Variants in ADIPOR2 observed in about 807,000 individuals in gnomAD.
ADIPOR2 encodes the protein adiponectin receptor protein 2.
Under a neutral mutation model 40.9 loss-of-function variants are expected in ADIPOR2, and 18 were observed. The observed-to-expected ratio is 0.44, with a 90% CI of 0.30 to 0.65. The LOEUF (loss-of-function observed/expected upper bound fraction) is 0.65, where lower values mean the gene tolerates loss of function less well. ADIPOR2 is among the 30% of genes least tolerant of loss of function. ADIPOR2 has a pLI of 0.09. For missense variants in ADIPOR2, 283 were observed against 479.2 expected, an observed-to-expected ratio of 0.59 and a Z score of 3.82; for synonymous variants, 165 against 166.4, an observed-to-expected ratio of 0.99 and a Z score of 0.06.
rs1863095295 is a variant in ADIPOR2 at position 1,730,197 on chromosome 12, T to C, written c.-86-24061T>C. On this transcript the variant is annotated intron_variant, in intron 1 of 7. Coordinates refer to ENST00000357103, the MANE Select transcript of ADIPOR2 (RefSeq NM_024551.3). ...TATACCCCTTAGGACCTCACATAAT[T>C]ATAATCACTATTAGGGGTATTAAAG... Among the ~76,000 whole-genome samples, 4 of 152,022 alleles carry C rather than the reference T, an allele frequency of 2.6e-5. No homozygotes were observed. The South Asian group carries it at 8.3e-4, about 32-fold the overall frequency.
intron 2 of ADIPOR2, among the ~76,000 whole-genome samples, chr12:1,756,765 G>A (rs1053978294): frequency 6.6e-6 from 1 of 152,088 alleles, no homozygotes; most frequent in Non-Finnish European, 1.5e-5. Context: ...ACTTGAAACA[G>A]CATGGTGGGA....
chr12:1,785,804 C>A, intron 7 of ADIPOR2, 140 bp from the exon 8 acceptor site: 1 of 1,129,522 alleles, frequency 8.9e-7, no homozygotes, highest in Non-Finnish European at 1.3e-6. Flanking sequence ...GATCTGTGGA[C>A]GCCTTGAATT....
At chr12:1,770,518 G>A (rs528980085) in intron 2 of ADIPOR2, among the ~76,000 whole-genome samples, 1 of 152,092 alleles carries the variant, frequency 6.6e-6, no homozygotes, top group African/African-American at 2.4e-5. Flanking sequence ...GCTATTGCCC[G>A]TTTTCAGGTT....
chr12:1,736,600 GTC>G (rs1426644769), intron 1 of ADIPOR2, among the ~76,000 whole-genome samples: 2 of 152,058 alleles, frequency 1.3e-5, no homozygotes, highest in African/African-American at 2.4e-5. Context: ...GTTTTTTTGT[GTC>G]TCTATCCCCT....
At chr12:1,717,711 A>G (rs993604115) in intron 1 of ADIPOR2, among the ~76,000 whole-genome samples, 2 of 150,512 alleles carry the variant, frequency 1.3e-5, no homozygotes, top group African/African-American at 4.9e-5. Flanking sequence ...ATCTTAAGGA[A>G]AAAAAAAAAA....
chr12:1,788,470 C>CA lies in ADIPOR2; in HGVS notation c.*2399dup, dbSNP rs1862885318. The CA allele has an allele frequency of 6.6e-6, 1 of 152,646 alleles. No homozygotes were observed. The highest frequency in any genetic ancestry group is 2.4e-5 in the African/African-American group (1 of 41,452). The allele number at this position is 152,646 out of a possible 1,614,324, so 9.5% of individuals were successfully genotyped here. A position where few individuals can be genotyped will look rare whatever the true frequency, so the allele number is the denominator to read the frequency against. On this transcript the variant is annotated 3_prime_UTR_variant, in exon 8 of 8. Transcript: ENST00000357103. ...GGCCCTAGGCTGGTTGGGACCTCTA[C>CA]AGCTTCATTCTTTCACCATTAAATA...
At chr12:1,718,992 C>G (rs1565636219) in intron 1 of ADIPOR2, among the ~76,000 whole-genome samples, 1 of 152,114 alleles carries the variant, frequency 6.6e-6, no homozygotes, top group East Asian at 1.9e-4. Context: ...CGAAATGATT[C>G]TTTGTGTTAT....
intron 6 of ADIPOR2, among the ~76,000 whole-genome samples, chr12:1,782,122 G>A (rs538176882): frequency 2.4e-4 from 37 of 152,332 alleles, no homozygotes; most frequent in Non-Finnish European, 4.7e-4. Context: ...AAAAGAAAAA[G>A]TGAATAGTGC....
Position 1,785,927 on chromosome 12 carries a change from T to C in ADIPOR2, c.1033-17T>C, listed in dbSNP as rs372797102. On this transcript the variant is annotated splice_polypyrimidine_tract_variant and intron_variant, in intron 7 of 7. Coordinates refer to ENST00000357103, the MANE Select transcript of ADIPOR2 (RefSeq NM_024551.3). ...TATGGGTTTCTCTACCCCCTTCTCT[T>C]CTTTTTTCCCCTCCAGTTTCACTCT... The C allele has an allele frequency of 5.6e-6, 9 of 1,613,438 alleles. No individual in the cohort carries two copies. The highest frequency in any genetic ancestry group is 7.6e-6 in the Non-Finnish European group (9 of 1,179,838).
At chr12:1,779,279 C>T (rs984865603) in intron 4 of ADIPOR2, among the ~76,000 whole-genome samples, 1 of 152,164 alleles carries the variant, frequency 6.6e-6, no homozygotes, top group African/African-American at 2.4e-5. Flanking sequence ...AGATGTCTAT[C>T]GACTGGTAAT....
At chr12:1,694,101 C>T (rs1282448374) in intron 1 of ADIPOR2, among the ~76,000 whole-genome samples, 5 of 152,300 alleles carry the variant, frequency 3.3e-5, no homozygotes, top group African/African-American at 9.6e-5. Flanking sequence ...TGTGGCAGCT[C>T]TGTGAGTGTA....
chr12:1,699,576 G>A (rs778576522), intron 1 of ADIPOR2, among the ~76,000 whole-genome samples: 4 of 152,166 alleles, frequency 2.6e-5, no homozygotes, highest in Admixed American at 1.3e-4. Flanking sequence ...ACTTGAACCC[G>A]GGAGGCAGAG....
chr12:1,711,296 TA>T (rs2094676321), intron 1 of ADIPOR2, among the ~76,000 whole-genome samples: 1 of 152,134 alleles, frequency 6.6e-6, no homozygotes, highest in South Asian at 2.1e-4. Context: ...ATAAATCTGC[TA>T]TTCCAATTCC....
intron 6 of ADIPOR2, among the ~76,000 whole-genome samples, 170 bp from the exon 7 acceptor site, chr12:1,783,710 C>T (rs1223394636): frequency 6.6e-6 from 1 of 152,210 alleles, no homozygotes; most frequent in Non-Finnish European, 1.5e-5. Flanking sequence ...TCTTGTGTGA[C>T]AGTGTCCCAG....
intron 1 of ADIPOR2, among the ~76,000 whole-genome samples, chr12:1,733,628 C>A (rs2094724808): frequency 6.6e-6 from 1 of 151,604 alleles, no homozygotes; most frequent in South Asian, 2.1e-4. Context: ...ATTTTTTATT[C>A]TAAGTTTTAG....
chr12:1,762,842 T>C (rs1336334688), intron 2 of ADIPOR2, among the ~76,000 whole-genome samples: 1 of 152,218 alleles, frequency 6.6e-6, no homozygotes, highest in Non-Finnish European at 1.5e-5. Context: ...ATGATATACT[T>C]TTTCTCTTCA....
At chr12:1,753,673 A>T (rs890882311) in intron 1 of ADIPOR2, among the ~76,000 whole-genome samples, 2 of 152,224 alleles carry the variant, frequency 1.3e-5, no homozygotes, top group African/African-American at 4.8e-5. Context: ...TTTATAAAGT[A>T]TGGTGAATTT....
At chr12:1,771,485 G>T (rs1862493636) in intron 2 of ADIPOR2, among the ~76,000 whole-genome samples, 2 of 152,124 alleles carry the variant, frequency 1.3e-5, no homozygotes, top group South Asian at 4.1e-4. Flanking sequence ...TTTTAAATAG[G>T]AACTATGAAG....
intron 1 of ADIPOR2, among the ~76,000 whole-genome samples, chr12:1,706,086 A>T (rs7975600): frequency 0.14 from 21,970 of 152,178 alleles, 1,697 homozygotes; most frequent in Admixed American, 0.24. Flanking sequence ...AGATAACATC[A>T]TGATGTGGGA....
Sources: gnomAD v4.1 joint callset for allele counts (sites outside exome capture counted in the v4.1 genomes callset) on GRCh38, gnomAD v4.1.1 for gene constraint, MANE v1.5 for transcripts, NCBI Gene and HGNC (gene_info 2026-07-23, HGNC 2026-07-21) for gene names.